Variants in RNF130 observed in about 807,000 individuals in gnomAD.
RNF130 encodes ring finger protein 130.
Under a neutral mutation model 44.6 loss-of-function variants are expected in RNF130, and 21 were observed. That is an observed-to-expected ratio of 0.47 (90% CI 0.33 to 0.68). The LOEUF is 0.68. RNF130 is among the 30% of genes least tolerant of loss of function. RNF130 has a pLI of 0.02. For synonymous variants in RNF130, 214 were observed against 210.4 expected (o/e 1.02, Z -0.15); for missense variants, 479 against 560.6 (o/e 0.85, Z 1.47).
At chr5:179,992,433 C>T (rs1035468634) in intron 3 of RNF130, among the ~76,000 whole-genome samples, 2 of 152,190 alleles carry the variant, frequency 1.3e-5, no homozygotes, top group Non-Finnish European at 2.9e-5. Context: ...TGAGCCACCA[C>T]GCCCGGCCCT....
At chr5:180,027,113 T>C (rs546655684) in intron 2 of RNF130, among the ~76,000 whole-genome samples, 2 of 151,760 alleles carry the variant, frequency 1.3e-5, no homozygotes, top group South Asian at 2.1e-4. Context: ...TGCCCTATGA[T>C]GAAGGGAGGG....
chr5:180,030,602 G>A (rs975346039), intron 2 of RNF130, among the ~76,000 whole-genome samples: 1 of 152,062 alleles, frequency 6.6e-6, no homozygotes, highest in African/African-American at 2.4e-5. Context: ...TTGACCTCCT[G>A]GGGTCAAGGG....
intron 2 of RNF130, among the ~76,000 whole-genome samples, chr5:180,019,797 T>G (rs1264239326): frequency 2.6e-5 from 4 of 152,238 alleles, no homozygotes; most frequent in Non-Finnish European, 4.4e-5. Flanking sequence ...TCAAAAGCCT[T>G]TGATGTATCC....
intron 2 of RNF130, among the ~76,000 whole-genome samples, chr5:180,016,648 T>C (rs1421117497): frequency 1.3e-5 from 2 of 152,234 alleles, no homozygotes; most frequent in Non-Finnish European, 2.9e-5. Flanking sequence ...TGTTATTCTT[T>C]AACAGGAACT....
At chr5:180,004,499 C>G (rs1437414302) in intron 3 of RNF130, among the ~76,000 whole-genome samples, 1 of 152,188 alleles carries the variant, frequency 6.6e-6, no homozygotes. Context: ...AGTTCTTCCT[C>G]CACTATAAAA....
At chr5:180,028,653 T>TGTGTTTCCCTAAGGGAGGAA (rs1263181286) in intron 2 of RNF130, among the ~76,000 whole-genome samples, 1 of 152,200 alleles carries the variant, frequency 6.6e-6, no homozygotes. Context: ...TTCAGGCGTG[T>TGTGTTTCCCTAAGGGAGGAA]GTGTTTCCCT....
Position 179,939,850 on chromosome 5 carries a change from G to C in RNF130, c.1151-19424C>G, listed in dbSNP as rs74696544. On this transcript the variant is annotated intron_variant, in intron 7 of 7. Transcript: ENST00000522208. ...GGGTCCCTCCCACCAAAAATTCCCT[G>C]AAGACATCATCTGAGTTATGGAGGG... 7.4e-3 allele frequency: 2,773 copies of C among 374,018 alleles called. 20 individuals are homozygous for C. The highest frequency in any genetic ancestry group is 0.01 in the Non-Finnish European group (1,961 of 195,684). 23.2% of individuals were successfully genotyped at this position (374,018 alleles called of 1,614,324 possible).
chr5:179,970,433 T>C lies in RNF130; in HGVS notation c.922A>G (p.Ile308Val), dbSNP rs538604008. The C allele has an allele frequency of 5.6e-6, 9 of 1,613,086 alleles. No homozygotes were observed. The African/African-American group carries it at 8.0e-5, about 14-fold the overall frequency. Residue 308 changes from isoleucine to valine, a missense_variant, in exon 6 of 9, where the codon ATA becomes GTA. Ile to Val is a conservative substitution (Grantham distance 29, BLOSUM62 3). Transcript: ENST00000521389. ...HCTCPMCKLN[I>V]LKALGIVPNL... ...ACCACAATTCCCAGGGCCTTCAATA[T>C]ATTAAGTTTGCACATAGGACAGGTA...
intron 3 of RNF130, among the ~76,000 whole-genome samples, chr5:179,995,739 C>A (rs568635820): frequency 3.9e-5 from 6 of 152,350 alleles, no homozygotes; most frequent in African/African-American, 1.2e-4. Context: ...CAGAGGAACA[C>A]TGACTCCCCA....
chr5:180,028,860 A>T (rs1764056699), intron 2 of RNF130, among the ~76,000 whole-genome samples: 1 of 152,246 alleles, frequency 6.6e-6, no homozygotes, highest in African/African-American at 2.4e-5. Flanking sequence ...GTATACTTAG[A>T]AATTTTTTTA....
intron 1 of RNF130, among the ~76,000 whole-genome samples, chr5:180,055,440 T>TCTGCGTG (rs57927481): frequency 6.6e-6 from 1 of 150,664 alleles, no homozygotes; most frequent in Non-Finnish European, 1.5e-5. Flanking sequence ...TCAGATGACT[T>TCTGCGTG]TGTGTGTGTG....
intron 1 of RNF130, among the ~76,000 whole-genome samples, chr5:180,040,972 G>A (rs898583423): frequency 1.3e-5 from 2 of 152,184 alleles, no homozygotes; most frequent in African/African-American, 4.8e-5. Flanking sequence ...CAACACAGAC[G>A]AGAAACCCAG....
At position 180,007,448 on chromosome 5, in the gene RNF130, C is replaced by T. The variant is rs541633518; in HGVS notation, c.693+5613G>A. Among the ~76,000 whole-genome samples, 106 of 152,260 alleles carry T rather than the reference C, an allele frequency of 7.0e-4. 1 individual carries two copies. Among genetic ancestry groups the T allele is most frequent in the African/African-American group, 2.3e-3 (97 of 41,562 alleles). Reference sequence around the variant, plus strand: ...TTGTGAGAGAAAATCAGAGTCTGTCCTTAAACTCACTGGTTTTCCTTTGCT... The same window carrying T: ...TTGTGAGAGAAAATCAGAGTCTGTCTTTAAACTCACTGGTTTTCCTTTGCT... On this transcript the variant is annotated intron_variant, in intron 3 of 8. Transcript: ENST00000521389.
At chr5:180,029,696 C>T (rs1336480889) in intron 2 of RNF130, among the ~76,000 whole-genome samples, 1 of 152,112 alleles carries the variant, frequency 6.6e-6, no homozygotes, top group Non-Finnish European at 1.5e-5. Flanking sequence ...AGTGCTACCA[C>T]GCCCAGCTCA....
chr5:180,012,744 A>G (rs1265230432), intron 3 of RNF130, among the ~76,000 whole-genome samples: 1 of 152,224 alleles, frequency 6.6e-6, no homozygotes, highest in African/African-American at 2.4e-5. Context: ...CATTTGCAGA[A>G]ACATCCAAAG....
At chr5:179,921,901 A>G (rs1319034105) in intron 7 of RNF130, among the ~76,000 whole-genome samples, 1 of 148,020 alleles carries the variant, frequency 6.8e-6, no homozygotes, top group Non-Finnish European at 1.5e-5. Context: ...AGGTGCCTGT[A>G]ATCCAGCTAC....
chr5:180,054,905 G>A (rs1764772174), intron 1 of RNF130, among the ~76,000 whole-genome samples: 1 of 152,136 alleles, frequency 6.6e-6, no homozygotes, highest in Non-Finnish European at 1.5e-5. Flanking sequence ...AAATGATATT[G>A]TGAAATTTTT....
In RNF130 at chr5:180,054,196, T is replaced by G. The variant is rs528908915; in HGVS notation, c.248-13549A>C. Among the ~76,000 whole-genome samples, 4 of 152,312 alleles carry G rather than the reference T, an allele frequency of 2.6e-5. No individual in the cohort carries two copies. The South Asian group carries it at 6.2e-4, about 24-fold the overall frequency. On this transcript the variant is annotated intron_variant, in intron 1 of 8. Transcript: ENST00000521389. ...GAACAGCTGTTTATATCTTATGCAT[T>G]CATGCTGGTTTCTTCAATTAATCAC...
intron 7 of RNF130, among the ~76,000 whole-genome samples, chr5:179,944,359 T>C (rs1403948146): frequency 1.3e-5 from 2 of 152,214 alleles, no homozygotes; most frequent in African/African-American, 4.8e-5. Context: ...AAGATTTTCA[T>C]GATGGAAACT....
Sources: allele counts gnomAD v4.1 joint callset (sites outside exome capture counted in the v4.1 genomes callset), GRCh38; gene constraint gnomAD v4.1.1; transcripts MANE v1.5; gene names NCBI Gene and HGNC (gene_info 2026-07-23, HGNC 2026-07-21).